PELI1: variants seen among roughly 807,000 people sequenced by gnomAD.
PELI1 encodes pellino E3 ubiquitin protein ligase 1.
PELI1 carries 15 observed loss-of-function variants against 41.3 expected under a neutral mutation model. The observed-to-expected ratio is 0.36, with a 90% CI of 0.24 to 0.56. PELI1 has a LOEUF of 0.56. PELI1 is among the 20% of genes least tolerant of loss of function. The pLI is 0.82. For synonymous variants in PELI1, 178 were observed against 180.1 expected (o/e 0.99, Z 0.09); for missense variants, 403 against 525.5 (o/e 0.77, Z 2.28).
chr2:64,118,432 G>T (rs1453646450), intron 1 of PELI1, among the ~76,000 whole-genome samples: 1 of 152,066 alleles, frequency 6.6e-6, no homozygotes, highest in African/African-American at 2.4e-5. Context: ...TTACTGAGCA[G>T]CGCATGTCTG....
intron 1 of PELI1, among the ~76,000 whole-genome samples, chr2:64,140,784 A>T (rs142401590): frequency 0.02 from 2,516 of 124,876 alleles, 51 homozygotes; most frequent in Middle Eastern, 0.042. Flanking sequence ...TCAAGACAAC[A>T]TGCAAAAAAA....
At chr2:64,105,884 G>C (rs974550658) in intron 2 of PELI1, among the ~76,000 whole-genome samples, 3 of 151,486 alleles carry the variant, frequency 2.0e-5, no homozygotes, top group Non-Finnish European at 2.9e-5. Flanking sequence ...CAGGGAACAG[G>C]GACAGTTTTG....
chr2:64,111,830 T>C (rs1680815380), intron 1 of PELI1, among the ~76,000 whole-genome samples: 1 of 152,144 alleles, frequency 6.6e-6, no homozygotes, highest in African/African-American at 2.4e-5. Context: ...CTAAGAAGCA[T>C]TTCATTTAAA....
rs1184854959 is a variant in PELI1, at chr2:64,140,796, AAAACAAACAAAC to A, written c.-70+3273_-70+3284del. On this transcript the variant is annotated intron_variant, in intron 1 of 6. Coordinates refer to ENST00000358912, the MANE Select transcript of PELI1 (RefSeq NM_020651.4). ...TACTCAAGACAACATGCAAAAAAAAAAAACAAACAAACAAAAAAAAACCTAGGGGCAGAACTT... is the reference window on the plus strand; with the variant it reads ...TACTCAAGACAACATGCAAAAAAAAAAAAAAAAAACCTAGGGGCAGAACTT... Among the ~76,000 whole-genome samples, 497 of 140,094 alleles carry A rather than the reference AAAACAAACAAAC, an allele frequency of 3.5e-3. 24 individuals carry two copies. The highest frequency in any genetic ancestry group is 6.4e-3 in the Non-Finnish European group (421 of 65,528). The allele number at this position is 140,094 out of a possible 152,430, so 91.9% of individuals were successfully genotyped here.
rs1680225423 is a variant in PELI1, at chr2:64,096,126, A to G, written c.689T>C (p.Met230Thr). The change falls in exon 6 of 7, where the codon ATG (methionine) becomes ACG (threonine). Residue 230 changes from methionine (M) to threonine (T), a missense_variant and splice_region_variant. Physicochemically the swap from Met to Thr is moderately conservative, Grantham distance 81 (BLOSUM62 -1). Transcript: ENST00000358912. ...AAGAAAATACCATTCAGTATTTACCATTTTTCCTCTCTGCTGAGCCGATCT... is the reference window on the plus strand; with the variant it reads ...AAGAAAATACCATTCAGTATTTACCGTTTTTCCTCTCTGCTGAGCCGATCT... ...ETRSAQQRGK[M>T]VEIETNQLQD... 1 of 1,608,372 alleles carries G rather than the reference A, an allele frequency of 6.2e-7. No individual in the cohort carries two copies. The highest frequency in any genetic ancestry group is 1.7e-5 in the Admixed American group (1 of 59,698).
chr2:64,101,824 A>AT (rs34370706), intron 3 of PELI1, among the ~76,000 whole-genome samples: 39,945 of 121,162 alleles, frequency 0.33, 8,678 homozygotes, highest in African/African-American at 0.62. Flanking sequence ...TTTGCTTCTG[A>AT]TTTTTTTTTT....
At chr2:64,096,683 A>G in intron 4 of PELI1, 73 bp from the exon 5 acceptor site, 2 of 953,510 alleles carry the variant, frequency 2.1e-6, no homozygotes, top group East Asian at 2.5e-5. Context: ...GAAGGGCACA[A>G]TAAGGAGAGA....
intron 2 of PELI1, 89 bp from the exon 3 acceptor site, chr2:64,104,919 C>T: frequency 9.2e-7 from 1 of 1,086,758 alleles, no homozygotes; most frequent in East Asian, 2.5e-5. Context: ...AGAATCAATT[C>T]CCAATTAATT....
chr2:64,106,363 T>C (rs1015161432), intron 2 of PELI1: 1 of 152,178 alleles, frequency 6.6e-6, no homozygotes, highest in Non-Finnish European at 1.5e-5. Context: ...ACAGAGACAA[T>C]TACTGTTGCT....
intron 4 of PELI1, among the ~76,000 whole-genome samples, chr2:64,098,164 G>C (rs1680307042): frequency 6.6e-6 from 1 of 152,058 alleles, no homozygotes; most frequent in Admixed American, 6.6e-5. Context: ...TATCTATAAA[G>C]AGAAAAAAAC....
rs772404166 is a variant in PELI1, at chr2:64,094,793, T to A, written c.1166A>T (p.His389Leu). The change falls in exon 7 of 7, where the codon CAT becomes CTT. Residue 389 changes from histidine to leucine, a missense_variant. Transcript: ENST00000358912. ...AAAGGGACAGGCTGCATGAAAAGTATGAGTACCATGAGGAAGTGGGATCTG... is the reference window on the plus strand; with the variant it reads ...AAAGGGACAGGCTGCATGAAAAGTAAGAGTACCATGAGGAAGTGGGATCTG... ...WSQIPLPHGTHTFHAACPFCA... is the reference protein window; with the variant it reads ...WSQIPLPHGTLTFHAACPFCA... 6.2e-7 allele frequency: 1 copy of A among 1,614,140 alleles called. No homozygotes were observed. The highest frequency in any genetic ancestry group is 8.5e-7 in the Non-Finnish European group (1 of 1,179,998).
intron 1 of PELI1, chr2:64,143,420 A>G (rs184561568): frequency 1.9e-4 from 29 of 152,136 alleles, no homozygotes; most frequent in African/African-American, 6.0e-4. Flanking sequence ...ACGCTTTCAT[A>G]TACTCAGACA....
At chr2:64,139,834 C>G (rs2103750080) in intron 1 of PELI1, among the ~76,000 whole-genome samples, 1 of 152,266 alleles carries the variant, frequency 6.6e-6, no homozygotes, top group South Asian at 2.1e-4. Context: ...ACAAGGACTC[C>G]CAGTTTTCTA....
chr2:64,096,748 G>A, intron 4 of PELI1, 138 bp from the exon 5 acceptor site: 4 of 596,238 alleles, frequency 6.7e-6, no homozygotes, highest in Middle Eastern at 2.9e-4. Context: ...AACGCTGGGG[G>A]CATCTATACT....
Position 64,108,376 on chromosome 2 carries a change from T to C in PELI1, c.-66A>G. 1.1e-6 allele frequency: 1 copy of C among 922,730 alleles called. No individual in the cohort carries two copies. The highest frequency in any genetic ancestry group is 1.8e-6 in the Non-Finnish European group (1 of 562,712). 57.2% of individuals were successfully genotyped at this position (922,730 alleles called of 1,614,324 possible). Reference sequence around the variant, plus strand: ...GAGCCTTGGGACACCTTTTGCATTATTTCCTAGAGGGGAAAAGTTTTCATT... The same window carrying C: ...GAGCCTTGGGACACCTTTTGCATTACTTCCTAGAGGGGAAAAGTTTTCATT... On this transcript the variant is annotated 5_prime_UTR_variant, in exon 2 of 7. Transcript: ENST00000358912.
intron 1 of PELI1, among the ~76,000 whole-genome samples, chr2:64,137,377 CTG>C (rs1681750540): frequency 2.0e-5 from 3 of 152,258 alleles, no homozygotes; most frequent in Non-Finnish European, 2.9e-5. Context: ...AACAATTTCA[CTG>C]TGTTTTAAAT....
chr2:64,137,965 TAA>T (rs1417831521), intron 1 of PELI1, among the ~76,000 whole-genome samples: 1 of 152,192 alleles, frequency 6.6e-6, no homozygotes, highest in African/African-American at 2.4e-5. Context: ...TTATTTTAGA[TAA>T]GTGTATAAAA....
intron 1 of PELI1, among the ~76,000 whole-genome samples, chr2:64,118,731 T>A (rs1026213335): frequency 2.0e-5 from 3 of 152,180 alleles, no homozygotes; most frequent in Non-Finnish European, 2.9e-5. Flanking sequence ...AAATTCTTCA[T>A]AATTTTTCCC....
chr2:64,121,098 C>T (rs1007214401), intron 1 of PELI1, among the ~76,000 whole-genome samples: 1 of 152,108 alleles, frequency 6.6e-6, no homozygotes, highest in African/African-American at 2.4e-5. Context: ...TAGGTTACAG[C>T]GAAATAAATC....
Sources: gnomAD v4.1 joint callset for allele counts (sites outside exome capture counted in the v4.1 genomes callset) on GRCh38, gnomAD v4.1.1 for gene constraint, MANE v1.5 for transcripts, NCBI Gene and HGNC (gene_info 2026-07-23, HGNC 2026-07-21) for gene names.